PHB1: variants seen among roughly 807,000 people sequenced by gnomAD.
PHB1 encodes the protein epididymis luminal protein 215.
chr17:49,407,064 T>C, the PHB1 span: 1 of 578,444 alleles, frequency 1.7e-6, no homozygotes, highest in Non-Finnish European at 3.1e-6. Flanking sequence ...TCCTGTATAT[T>C]ACTCTGTCAC....
At chr17:49,409,561 G>C in the PHB1 span, 1 of 971,820 alleles carries the variant, frequency 1.0e-6, no homozygotes, top group East Asian at 2.7e-5. Context: ...TTTTTTTTGA[G>C]ACAGGTTTTT....
chr17:49,409,120 C>T, the PHB1 span: 1 of 1,614,046 alleles, frequency 6.2e-7, no homozygotes, highest in Non-Finnish European at 8.5e-7. Context: ...TGGAGACCAG[C>T]TCTCTCTGGG....
chr17:49,410,579 A>G, the PHB1 span, among the ~76,000 whole-genome samples: 3,375 of 152,318 alleles, frequency 0.022, 70 homozygotes, highest in East Asian at 0.07. Flanking sequence ...TAAGAATTGT[A>G]GGGTGAGGCC....
At chr17:49,405,344 G>A in the PHB1 span, 42 of 651,558 alleles carry the variant, frequency 6.4e-5, 2 homozygotes, top group Middle Eastern at 1.7e-3. Context: ...GATGGCTAGC[G>A]GGGGAAGCGG....
At chr17:49,405,292 T>C in the PHB1 span, 2 of 1,129,086 alleles carry the variant, frequency 1.8e-6, no homozygotes, top group Non-Finnish European at 2.6e-6. Flanking sequence ...GAAAGCCACC[T>C]TCCCAGGCTC....
At chr17:49,411,947 C>A in the PHB1 span, 9 of 990,458 alleles carry the variant, frequency 9.1e-6, no homozygotes, top group Non-Finnish European at 1.3e-5. Flanking sequence ...ATTAAGTCTC[C>A]CCTCTTCTCT....
At chr17:49,410,901 T>C in the PHB1 span, among the ~76,000 whole-genome samples, 2 of 152,244 alleles carry the variant, frequency 1.3e-5, no homozygotes, top group African/African-American at 2.4e-5. Context: ...TTCTCATTAC[T>C]TGGACCATTT....
At chr17:49,404,803 G>A in the PHB1 span, 1 of 599,690 alleles carries the variant, frequency 1.7e-6, no homozygotes, top group African/African-American at 1.9e-5. Flanking sequence ...ATGGATGTGA[G>A]AAGAATGAAA....
At chr17:49,411,701 A>T in the PHB1 span, 1 of 1,614,142 alleles carries the variant, frequency 6.2e-7, no homozygotes, top group Non-Finnish European at 8.5e-7. Flanking sequence ...GATGACTGGC[A>T]CATTACGTGG....
At chr17:49,409,436 G>A in the PHB1 span, 39 of 1,608,028 alleles carry the variant, frequency 2.4e-5, no homozygotes, top group East Asian at 2.2e-4. Flanking sequence ...CGACAGGCCG[G>A]AAGAGGATGC....
the PHB1 span, chr17:49,409,623 C>T: frequency 1.3e-5 from 8 of 626,212 alleles, no homozygotes; most frequent in Non-Finnish European, 2.2e-5. Context: ...CTCACTACAA[C>T]CTCTGCCTCC....
chr17:49,409,537 T>G, the PHB1 span: 982 of 1,077,336 alleles, frequency 9.1e-4, 10 homozygotes, highest in African/African-American at 0.015. Context: ...CAAGTGTTTT[T>G]TTTTTGTTTT....
the PHB1 span, among the ~76,000 whole-genome samples, chr17:49,406,013 C>A: frequency 6.6e-6 from 1 of 152,176 alleles, no homozygotes; most frequent in Non-Finnish European, 1.5e-5. Flanking sequence ...AAATTACATA[C>A]AATTTTGAAA....
At chr17:49,409,241 C>A in the PHB1 span, 3 of 1,584,710 alleles carry the variant, frequency 1.9e-6, no homozygotes. Flanking sequence ...AGCCACATCC[C>A]AACCAACCCA....
the PHB1 span, chr17:49,413,361 C>G: frequency 9.8e-6 from 8 of 814,272 alleles, no homozygotes; most frequent in Admixed American, 1.6e-4. Flanking sequence ...CTCTGACACA[C>G]AACAGTCACT....
chr17:49,408,206 C>A, the PHB1 span, among the ~76,000 whole-genome samples: 1 of 152,194 alleles, frequency 6.6e-6, no homozygotes, highest in African/African-American at 2.4e-5. Context: ...TTCCAGCAGG[C>A]GGAGCAAGGT....
chr17:49,407,031 G>T, the PHB1 span: 1 of 622,114 alleles, frequency 1.6e-6, no homozygotes, highest in Non-Finnish European at 2.9e-6. Context: ...TTTACACCCA[G>T]ACTCTCTGGC....
the PHB1 span, chr17:49,409,202 G>A: frequency 1.3e-6 from 2 of 1,580,892 alleles, no homozygotes; most frequent in Admixed American, 1.7e-5. Context: ...AGGTTAATGA[G>A]GAAGCAGAAA....
chr17:49,409,912 A>G, the PHB1 span, among the ~76,000 whole-genome samples: 1 of 152,032 alleles, frequency 6.6e-6, no homozygotes, highest in Non-Finnish European at 1.5e-5. Flanking sequence ...ACAGGGTCAC[A>G]TGTTGCCCAG....
Sources: allele counts gnomAD v4.1 joint callset (sites outside exome capture counted in the v4.1 genomes callset), GRCh38; gene constraint gnomAD v4.1.1; transcripts MANE v1.5; gene names NCBI Gene and HGNC (gene_info 2026-07-23, HGNC 2026-07-21).